Variants in RBFOX3 observed in about 807,000 individuals in gnomAD.
The protein encoded by RBFOX3 is RNA binding fox-1 homolog 3, also known as RNA binding protein fox-1 homolog 3.
In RBFOX3, 17 loss-of-function variants were observed where a neutral mutation model predicts 48.7. The ratio of observed to expected loss-of-function variants is 0.35; its 90% CI spans 0.24 to 0.52. The LOEUF is 0.52. Among genes scored for constraint, RBFOX3 ranks in the 20% least tolerant of loss-of-function variants. RBFOX3 has a pLI of 0.94. For missense variants in RBFOX3, 382 were observed against 497.5 expected (o/e 0.77, Z 2.21); for synonymous variants, 212 against 209.5 (o/e 1.01, Z -0.10).
intron 3 of RBFOX3, among the ~76,000 whole-genome samples, chr17:79,262,280 G>A (rs2065915117): frequency 6.6e-6 from 1 of 152,210 alleles, no homozygotes; most frequent in Non-Finnish European, 1.5e-5. Flanking sequence ...CCAGGGGCAA[G>A]TCCCGCAGCC....
intron 1 of RBFOX3, among the ~76,000 whole-genome samples, chr17:79,567,945 T>C (rs1045441760): frequency 9.2e-5 from 14 of 152,328 alleles, no homozygotes; most frequent in Admixed American, 9.1e-4. Flanking sequence ...GCACTGTCTA[T>C]TAAGAGATGG....
intron 4 of RBFOX3, among the ~76,000 whole-genome samples, chr17:79,123,219 TTGTG>T (rs2036234658): frequency 1.3e-5 from 2 of 152,326 alleles, no homozygotes; most frequent in East Asian, 1.9e-4. Context: ...CATATTTGTA[TTGTG>T]TGTAACAGAA....
chr17:79,509,234 G>A (rs1005175160), intron 1 of RBFOX3, among the ~76,000 whole-genome samples: 2 of 152,222 alleles, frequency 1.3e-5, no homozygotes, highest in African/African-American at 2.4e-5. Flanking sequence ...TCCCCAAGGC[G>A]GCCTGGTCGA....
intron 4 of RBFOX3, among the ~76,000 whole-genome samples, chr17:79,225,829 G>A (rs2060249054): frequency 6.6e-6 from 1 of 152,224 alleles, no homozygotes; most frequent in African/African-American, 2.4e-5. Flanking sequence ...GAACCAAACA[G>A]GTTAACCTTC....
intron 4 of RBFOX3, among the ~76,000 whole-genome samples, chr17:79,144,110 G>A (rs537450842): frequency 1.1e-4 from 16 of 152,326 alleles, no homozygotes; most frequent in Non-Finnish European, 4.4e-5. Flanking sequence ...AGATCTCCCT[G>A]CAGAGGATGT....
At chr17:79,102,789 C>T (rs2076684763) in intron 8 of RBFOX3, among the ~76,000 whole-genome samples, 1 of 152,204 alleles carries the variant, frequency 6.6e-6, no homozygotes, top group Non-Finnish European at 1.5e-5. Flanking sequence ...GCCGCTGCTC[C>T]ATGGTGAGCA....
chr17:79,511,931 G>A (rs2084318880), intron 1 of RBFOX3, among the ~76,000 whole-genome samples: 4 of 142,326 alleles, frequency 2.8e-5, no homozygotes, highest in African/African-American at 5.3e-5. Flanking sequence ...CCGGATACGT[G>A]TTACCATCGG....
rs2066373238 is a variant in RBFOX3, at chr17:79,421,513, G to A, written c.-175+60941C>T. On this transcript the variant is annotated intron_variant, in intron 2 of 14. Coordinates refer to ENST00000693108, the MANE Select transcript of RBFOX3 (RefSeq NM_001350451.2). The surrounding 1 kb of genome is among the most constrained non-coding windows in gnomAD (Gnocchi z 4.5). ...CCCCCTGAAGAAAGCATGTGGGGAG[G>A]GACAGGGCCCAGGGCCTCACCTGGA... Among the ~76,000 whole-genome samples, 1 of 152,020 alleles carries A rather than the reference G, an allele frequency of 6.6e-6. No homozygotes were observed. The highest frequency in any genetic ancestry group is 6.5e-5 in the Admixed American group (1 of 15,274).
At chr17:79,444,628 C>A (rs538770726) in intron 2 of RBFOX3, among the ~76,000 whole-genome samples, 1 of 152,204 alleles carries the variant, frequency 6.6e-6, no homozygotes, top group African/African-American at 2.4e-5. Context: ...CTTCCAGAGT[C>A]TCCCTCAGAC....
Position 79,477,007 on chromosome 17 carries a change from T to C in RBFOX3, c.-175+5447A>G, listed in dbSNP as rs996466694. Among the ~76,000 whole-genome samples, 11 of 151,776 alleles carry C rather than the reference T, an allele frequency of 7.2e-5. No homozygotes were observed. The highest frequency in any genetic ancestry group is 2.1e-4 in the South Asian group (1 of 4,776). On this transcript the variant is annotated intron_variant, in intron 2 of 14. Transcript: ENST00000693108. The surrounding 1 kb of genome is among the most constrained non-coding windows in gnomAD (Gnocchi z 4.8). ...CAGCACTTTGGGAGGCCTAGGTGGG[T>C]GGATCACTTGAGGTCAGGAGTTCGA...
At chr17:79,571,686 A>G (rs2092683071) in intron 1 of RBFOX3, among the ~76,000 whole-genome samples, 1 of 152,080 alleles carries the variant, frequency 6.6e-6, no homozygotes, top group East Asian at 1.9e-4. Context: ...ATCTTGCTGC[A>G]TCGCACCAAG....
intron 3 of RBFOX3, among the ~76,000 whole-genome samples, chr17:79,290,225 G>C (rs56803149): frequency 0.12 from 18,542 of 152,014 alleles, 1,199 homozygotes; most frequent in East Asian, 0.27. Flanking sequence ...TTGTGAAGGA[G>C]GCCTCTTGGG....
chr17:79,177,216 C>A (rs970987781), intron 4 of RBFOX3, among the ~76,000 whole-genome samples: 2 of 152,112 alleles, frequency 1.3e-5, no homozygotes, highest in Admixed American at 6.5e-5. Flanking sequence ...CTCTCCCCCC[C>A]CGCCCTCTCC....
At chr17:79,379,764 C>A (rs950991161) in intron 2 of RBFOX3, among the ~76,000 whole-genome samples, 19 of 152,216 alleles carry the variant, frequency 1.2e-4, no homozygotes, top group African/African-American at 4.3e-4. Flanking sequence ...AATTCCCGGT[C>A]CAGATCGGAC....
At chr17:79,155,091 C>T (rs1247438248) in intron 4 of RBFOX3, among the ~76,000 whole-genome samples, 3 of 152,200 alleles carry the variant, frequency 2.0e-5, no homozygotes, top group Admixed American at 6.5e-5. Context: ...CACGTGAGCT[C>T]GGCCCAGCGG....
intron 1 of RBFOX3, among the ~76,000 whole-genome samples, chr17:79,509,700 G>A (rs1280936890): frequency 1.3e-5 from 2 of 151,636 alleles, no homozygotes; most frequent in Admixed American, 6.6e-5. Flanking sequence ...TCCATCAGCC[G>A]TCGCACCCCA....
At chr17:79,276,340 G>T (rs1359155920) in intron 3 of RBFOX3, among the ~76,000 whole-genome samples, 2 of 152,194 alleles carry the variant, frequency 1.3e-5, no homozygotes, top group Non-Finnish European at 2.9e-5. Flanking sequence ...ACACCCTAAA[G>T]GAGTGAATGG....
intron 1 of RBFOX3, chr17:79,601,082 TGCCTCAGCCC>T (rs2093694933): frequency 6.6e-6 from 1 of 152,264 alleles, no homozygotes; most frequent in Non-Finnish European, 1.5e-5. Context: ...GAGGAATGAA[TGCCTCAGCCC>T]GACTGCAGCC....
intron 4 of RBFOX3, among the ~76,000 whole-genome samples, chr17:79,122,246 T>G (rs1018935091): frequency 1.1e-4 from 17 of 152,034 alleles, no homozygotes; most frequent in African/African-American, 3.6e-4. Context: ...TCCTGTCTGG[T>G]CCTCCTACTT....
Sources: gnomAD v4.1 joint callset for allele counts (sites outside exome capture counted in the v4.1 genomes callset) on GRCh38, gnomAD v4.1.1 for gene constraint, Gnocchi (gnomAD v3.1) non-coding constraint, MANE v1.5 for transcripts, NCBI Gene and HGNC (gene_info 2026-07-23, HGNC 2026-07-21) for gene names.